Variants in FRMD4A observed in about 807,000 individuals in gnomAD.
FRMD4A encodes FERM domain-containing protein 4A.
In FRMD4A, 29 loss-of-function variants were observed where a neutral mutation model predicts 129.1. The observed-to-expected ratio is 0.22, with a 90% confidence interval of 0.17 to 0.31. The LOEUF is 0.31. Among genes scored for constraint, FRMD4A ranks in the 10% least tolerant of loss-of-function variants. The pLI, the probability that FRMD4A is intolerant of heterozygous loss-of-function variation, is 1.00. For missense variants in FRMD4A, 1,272 were observed against 1,375.8 expected (o/e 0.92, Z 1.19); for synonymous variants, 634 against 571.6 (o/e 1.11, Z -1.56).
At chr10:13,779,044 T>C (rs1029046243) in intron 6 of FRMD4A, among the ~76,000 whole-genome samples, 17 of 152,170 alleles carry the variant, frequency 1.1e-4, no homozygotes, top group Non-Finnish European at 1.6e-4. Flanking sequence ...ATTGGCTGGG[T>C]GTGGTGGCTC....
At chr10:14,174,220 C>A (rs2131889772) in intron 2 of FRMD4A, among the ~76,000 whole-genome samples, 1 of 152,266 alleles carries the variant, frequency 6.6e-6, no homozygotes, top group Non-Finnish European at 1.5e-5. Context: ...CTGCAAAGCG[C>A]CGTTCCTGGA....
chr10:13,956,555 G>A (rs2095411343), intron 2 of FRMD4A, among the ~76,000 whole-genome samples: 1 of 152,208 alleles, frequency 6.6e-6, no homozygotes, highest in Non-Finnish European at 1.5e-5. Flanking sequence ...GTCCATGCAC[G>A]GGTAAATGGT....
chr10:14,195,028 A>T (rs1210417506), intron 2 of FRMD4A, among the ~76,000 whole-genome samples: 1 of 152,072 alleles, frequency 6.6e-6, no homozygotes, highest in Non-Finnish European at 1.5e-5. Context: ...GTTTCCTTAC[A>T]TTTTTCTTTC....
chr10:13,670,392 A>G lies in FRMD4A; in HGVS notation c.1374+14T>C. 1 of 1,610,260 alleles carries G rather than the reference A, an allele frequency of 6.2e-7. No individual in the cohort carries two copies. The highest frequency in any genetic ancestry group is 8.5e-7 in the Non-Finnish European group (1 of 1,177,578). ...TAACATGAGAGAATCCAACAACAGA[A>G]AGGAAGGACGCACCTCTCCTTTGGG... On this transcript the variant is annotated intron_variant, in intron 17 of 24. Coordinates refer to ENST00000357447, the MANE Select transcript of FRMD4A (RefSeq NM_018027.5).
At chr10:13,912,184 A>C (rs908020413) in intron 2 of FRMD4A, among the ~76,000 whole-genome samples, 2 of 152,238 alleles carry the variant, frequency 1.3e-5, no homozygotes, top group Non-Finnish European at 2.9e-5. Flanking sequence ...TTTACAAGGA[A>C]TGTAAGATAA....
At chr10:14,112,143 T>G (rs1837943185) in intron 2 of FRMD4A, among the ~76,000 whole-genome samples, 1 of 152,104 alleles carries the variant, frequency 6.6e-6, no homozygotes, top group African/African-American at 2.4e-5. Flanking sequence ...GACTCATTTG[T>G]CAGAAGGAAG....
At chr10:14,005,187 T>C (rs557921764) in intron 2 of FRMD4A, among the ~76,000 whole-genome samples, 31 of 152,258 alleles carry the variant, frequency 2.0e-4, no homozygotes, top group African/African-American at 7.0e-4. Context: ...CACGCCTGGC[T>C]AATTTTTTTG....
intron 2 of FRMD4A, among the ~76,000 whole-genome samples, chr10:14,078,537 C>T (rs1258252642): frequency 2.0e-5 from 3 of 152,342 alleles, no homozygotes; most frequent in Non-Finnish European, 4.4e-5. Context: ...CTGTCTCTCT[C>T]AACAGTAAGT....
In FRMD4A at chr10:14,164,665, C is replaced by T. The variant is rs151338715; in HGVS notation, c.45+165393G>A. Reference sequence around the variant, plus strand: ...GCCAGTGAATGGTAGGTTCAAAGCCCTGATTTCTCCACTCACCATTTCCAT... The same window carrying T: ...GCCAGTGAATGGTAGGTTCAAAGCCTTGATTTCTCCACTCACCATTTCCAT... On this transcript the variant is annotated intron_variant, in intron 2 of 24. Transcript: ENST00000357447. 1.7e-3 allele frequency among the ~76,000 whole-genome samples: 263 copies of T among 152,252 alleles called. 1 individual carries two copies. The highest frequency in any genetic ancestry group is 5.9e-3 in the African/African-American group (244 of 41,568).
intron 2 of FRMD4A, among the ~76,000 whole-genome samples, chr10:14,106,320 G>A (rs531645534): frequency 6.6e-6 from 1 of 152,230 alleles, no homozygotes; most frequent in South Asian, 2.1e-4. Flanking sequence ...AACACTCTTA[G>A]TAGTCATTTA....
intron 2 of FRMD4A, among the ~76,000 whole-genome samples, chr10:14,179,095 T>C (rs1172287863): frequency 6.6e-6 from 1 of 152,206 alleles, no homozygotes; most frequent in East Asian, 1.9e-4. Flanking sequence ...AGGCCATGGT[T>C]GGAGGCTCAG....
intron 14 of FRMD4A, among the ~76,000 whole-genome samples, chr10:13,698,226 C>G (rs570091066): frequency 2.0e-5 from 3 of 152,250 alleles, no homozygotes; most frequent in East Asian, 1.9e-4. Context: ...CTTGCTGACT[C>G]GAACCACTAG....
At chr10:13,716,026 C>A (rs1306308700) in intron 12 of FRMD4A, among the ~76,000 whole-genome samples, 5 of 151,824 alleles carry the variant, frequency 3.3e-5, no homozygotes, top group Non-Finnish European at 2.9e-5. Flanking sequence ...CATATCAGCA[C>A]AAAGTACAGG....
chr10:13,894,382 CT>C (rs1448278269), intron 2 of FRMD4A, among the ~76,000 whole-genome samples: 1 of 152,196 alleles, frequency 6.6e-6, no homozygotes. Context: ...TAAGGACCCC[CT>C]GGTCATCCAG....
At chr10:14,217,766 G>A (rs1168898541) in intron 2 of FRMD4A, among the ~76,000 whole-genome samples, 8 of 151,984 alleles carry the variant, frequency 5.3e-5, no homozygotes, top group African/African-American at 1.7e-4. Flanking sequence ...AAATTCTCAC[G>A]CAGGTGCTGT....
chr10:13,737,531 G>C (rs944617605), intron 12 of FRMD4A, among the ~76,000 whole-genome samples: 3 of 152,096 alleles, frequency 2.0e-5, no homozygotes, highest in Non-Finnish European at 2.9e-5. Context: ...ATACAGCCCT[G>C]CCCGAAATTA....
At chr10:13,775,453 G>A (rs906032069) in intron 6 of FRMD4A, among the ~76,000 whole-genome samples, 2 of 152,072 alleles carry the variant, frequency 1.3e-5, no homozygotes, top group African/African-American at 4.8e-5. Context: ...TCTATATCCA[G>A]TCAAACTATT....
chr10:14,039,573 T>A (rs1833698543), intron 2 of FRMD4A, among the ~76,000 whole-genome samples: 3 of 152,116 alleles, frequency 2.0e-5, no homozygotes, highest in Non-Finnish European at 4.4e-5. Flanking sequence ...AAGCTGGGAA[T>A]GGCTTAGGCT....
At chr10:13,808,314 T>C (rs1002712913) in intron 4 of FRMD4A, among the ~76,000 whole-genome samples, 3 of 152,214 alleles carry the variant, frequency 2.0e-5, no homozygotes, top group Non-Finnish European at 4.4e-5. Flanking sequence ...AGCACCTGTA[T>C]AAAGCACAGA....
Sources: gnomAD v4.1 joint callset for allele counts (sites outside exome capture counted in the v4.1 genomes callset) on GRCh38, gnomAD v4.1.1 for gene constraint, MANE v1.5 for transcripts, NCBI Gene and HGNC (gene_info 2026-07-23, HGNC 2026-07-21) for gene names.